Variants in C11orf24 observed in about 807,000 individuals in gnomAD.
The protein encoded by C11orf24 is chromosome 11 open reading frame 24, also known as uncharacterized protein C11orf24.
C11orf24 carries 5 observed loss-of-function variants against 7.3 expected under a neutral mutation model. That is an observed-to-expected ratio of 0.69 (90% CI 0.36 to 1.45). C11orf24 has a LOEUF of 1.45. Ranked by LOEUF, C11orf24 falls within the 40% of genes most tolerant of loss-of-function variation. The pLI is 0.03. For synonymous variants in C11orf24, 233 were observed against 235.7 expected (o/e 0.99, Z 0.11); for missense variants, 566 against 590.5 (o/e 0.96, Z 0.43).
Position 68,261,737 on chromosome 11 carries a change from A to C in C11orf24, c.1258T>G (p.Phe420Val). The C allele has an allele frequency of 1.2e-6, 2 of 1,614,226 alleles. No homozygotes were observed. The highest frequency in any genetic ancestry group is 1.1e-5 in the South Asian group (1 of 91,088). ...VTLFITVLVL[F>V]ALQAYESYKK... ...TAGCTCTCATAGGCCTGCAGGGCAA[A>C]CAAAACCAAGACTGTGATGAAAAGG... is the stretch of plus-strand genomic sequence containing the variant. The change falls in exon 4 of 4, where the codon TTT (phenylalanine) becomes GTT (valine). Residue 420 changes from phenylalanine to valine, a missense_variant. By Grantham distance (50) the Phe-to-Val change is conservative (BLOSUM62 -1). Coordinates refer to ENST00000304271, the MANE Select transcript of C11orf24 (RefSeq NM_022338.4).
intron 2 of C11orf24, among the ~76,000 whole-genome samples, chr11:68,266,550 C>T (rs1364865439): frequency 6.6e-6 from 1 of 152,162 alleles, no homozygotes; most frequent in Non-Finnish European, 1.5e-5. Context: ...AGAAAAATTA[C>T]TTGGCCTTAC....
rs2098566219 is a variant in C11orf24 at position 68,268,264 on chromosome 11, A to G, written c.-297-13T>C. ...GTAACAGACGCATCTAGAGTTTGAA[A>G]AAAAGTCCACATTCCTTATGAAAGG... On this transcript the variant is annotated splice_polypyrimidine_tract_variant and intron_variant, in intron 1 of 3. Coordinates refer to ENST00000304271, the MANE Select transcript of C11orf24 (RefSeq NM_022338.4). 6.6e-6 allele frequency: 1 copy of G among 152,298 alleles called. No individual in the cohort carries two copies. Among genetic ancestry groups the G allele is most frequent in the African/African-American group, 2.4e-5 (1 of 41,484 alleles). The allele number at this position is 152,298 out of a possible 1,614,324, so 9.4% of individuals were successfully genotyped here.
intron 1 of C11orf24, among the ~76,000 whole-genome samples, chr11:68,268,877 C>T (rs1227564791): frequency 6.6e-6 from 1 of 152,182 alleles, no homozygotes; most frequent in African/African-American, 2.4e-5. Context: ...ATATAAAATA[C>T]TATGGCAACT....
intron 1 of C11orf24, among the ~76,000 whole-genome samples, chr11:68,270,586 T>TAA (rs10631184): frequency 0.011 from 1,585 of 142,944 alleles, 39 homozygotes; most frequent in African/African-American, 0.037. Context: ...CCCCATCTCT[T>TAA]AAAAAAAAAA....
rs113378449 is a variant in C11orf24, at chr11:68,263,543, T to C, written c.76+149A>G. 7.0e-3 allele frequency: 4,624 copies of C among 659,316 alleles called. 111 individuals carry two copies. The highest frequency in any genetic ancestry group is 0.054 in the East Asian group (1,866 of 34,794). The allele number at this position is 659,316 out of a possible 1,614,324, so 40.8% of individuals were successfully genotyped here. A position where few individuals can be genotyped will look rare whatever the true frequency, so the allele number is the denominator to read the frequency against. ...CCACCATGGCCCTGGAGAAGGAAGG[T>C]TGGCCTGACAACCCTTCCCTGTGCG... is the stretch of plus-strand genomic sequence containing the variant. On this transcript the variant is annotated intron_variant, in intron 3 of 3. Coordinates refer to ENST00000304271, the MANE Select transcript of C11orf24 (RefSeq NM_022338.4).
Position 68,263,676 on chromosome 11 carries a change from C to G in C11orf24, c.76+16G>C, listed in dbSNP as rs1254570905. On this transcript the variant is annotated intron_variant, in intron 3 of 3. Coordinates refer to ENST00000304271, the MANE Select transcript of C11orf24 (RefSeq NM_022338.4). The stretch of plus-strand genomic sequence containing the variant: ...ACCGTGGGCCCATCCAGCAGTCACA[C>G]AGCTTTCTCACTTACGTGGATCGTT... The G allele has an allele frequency of 6.2e-7, 1 of 1,612,256 alleles. No individual in the cohort carries two copies. The highest frequency in any genetic ancestry group is 2.2e-5 in the East Asian group (1 of 44,876).
intron 2 of C11orf24, among the ~76,000 whole-genome samples, chr11:68,265,214 T>C (rs1369215095): frequency 2.0e-5 from 3 of 152,062 alleles, no homozygotes; most frequent in African/African-American, 4.8e-5. Flanking sequence ...GGAGGCCCCA[T>C]GAGCCATGTG....
chr11:68,269,832 G>A (rs762643908), intron 1 of C11orf24, among the ~76,000 whole-genome samples: 5 of 152,170 alleles, frequency 3.3e-5, no homozygotes, highest in Non-Finnish European at 7.4e-5. Context: ...CTGTGTAGTC[G>A]AGAACAGGCC....
rs187513564 is a variant in C11orf24 at position 68,261,964 on chromosome 11, G to A, written c.1031C>T (p.Pro344Leu). Residue 344 changes from proline (P) to leucine (L), a missense_variant, in exon 4 of 4, where the codon CCG becomes CTG. Coordinates refer to ENST00000304271, the MANE Select transcript of C11orf24 (RefSeq NM_022338.4). ...RAAGPGTSQAPEQVETEATPG... is the reference protein window; with the variant it reads ...RAAGPGTSQALEQVETEATPG... ...TGTGGCTTCAGTCTCTACCTGCTCC[G>A]GTGCCTGGGATGTGCCTGGCCCAGC... 97 of 1,613,922 alleles carry A rather than the reference G, an allele frequency of 6.0e-5. No homozygotes were observed. The highest frequency in any genetic ancestry group is 4.0e-4 in the African/African-American group (30 of 75,034).
intron 2 of C11orf24, among the ~76,000 whole-genome samples, chr11:68,266,059 G>A (rs1042353560): frequency 6.6e-5 from 10 of 152,212 alleles, no homozygotes; most frequent in African/African-American, 2.4e-4. Flanking sequence ...TACTGTAATA[G>A]GGTCAAGAGA....
intron 2 of C11orf24, among the ~76,000 whole-genome samples, chr11:68,266,427 T>A (rs1389899888): frequency 6.6e-6 from 1 of 152,250 alleles, no homozygotes; most frequent in East Asian, 1.9e-4. Context: ...GGAAGGCTGG[T>A]GTGTTCCACG....
At chr11:68,271,482 A>G (rs1591137009) in intron 1 of C11orf24, among the ~76,000 whole-genome samples, 1 of 152,096 alleles carries the variant, frequency 6.6e-6, no homozygotes, top group Admixed American at 6.5e-5. Flanking sequence ...TTGCCCGGGA[A>G]AGACCCCAGG....
intron 1 of C11orf24, 63 bp from the exon 2 acceptor site, chr11:68,268,314 G>C (rs1200905946): frequency 6.6e-6 from 1 of 152,278 alleles, no homozygotes; most frequent in Non-Finnish European, 1.5e-5. Flanking sequence ...CCAGTGAGGA[G>C]GGAGGCACAA....
chr11:68,263,564 G>A, intron 3 of C11orf24, 128 bp downstream of exon 3: 3 of 816,906 alleles, frequency 3.7e-6, no homozygotes, highest in Non-Finnish European at 3.9e-6. Flanking sequence ...ACCCTTCCCT[G>A]TGCGGCACCT....
chr11:68,266,946 G>C (rs111380379), intron 2 of C11orf24, among the ~76,000 whole-genome samples: 3 of 152,110 alleles, frequency 2.0e-5, no homozygotes, highest in African/African-American at 7.2e-5. Flanking sequence ...CAGGCCTTCT[G>C]CTGCCCCCTC....
At chr11:68,266,410 C>T (rs1334804514) in intron 2 of C11orf24, among the ~76,000 whole-genome samples, 4 of 152,234 alleles carry the variant, frequency 2.6e-5, no homozygotes, top group Non-Finnish European at 1.5e-5. Flanking sequence ...AGAGCACACA[C>T]TCCTCTGGAA....
chr11:68,268,991 A>G (rs1200883013), intron 1 of C11orf24, among the ~76,000 whole-genome samples: 4 of 152,170 alleles, frequency 2.6e-5, no homozygotes, highest in Non-Finnish European at 5.9e-5. Flanking sequence ...CCATGATCCT[A>G]TTTTTGTTAA....
In C11orf24 at chr11:68,262,869, T is replaced by C. The variant is rs1278907758; in HGVS notation, c.126A>G (p.Ala42=). The stretch of plus-strand genomic sequence containing the variant: ...TTTTATTATCAACTGTTTCCACAGA[T>C]GCATTCCTCTTGACTAATCCCTTCC... ...KMWKGLVKRN[A]SVETVDNKTS... is the part of the protein sequence containing the mutation. Residue 42 remains alanine (A), a synonymous_variant, in exon 4 of 4, where the codon GCA becomes GCG. Transcript: ENST00000304271. The C allele has an allele frequency of 5.6e-6, 9 of 1,614,026 alleles. No individual in the cohort carries two copies. Among genetic ancestry groups the C allele is most frequent in the Non-Finnish European group, 7.6e-6 (9 of 1,180,046 alleles).
rs747755289 is a variant in C11orf24 at position 68,261,733 on chromosome 11, G to A, written c.1262C>T (p.Ala421Val). The change falls in exon 4 of 4, where the codon GCC becomes GTC. Residue 421 changes from alanine (A) to valine (V), a missense_variant. Ala to Val is a moderately conservative substitution (Grantham distance 64). Coordinates refer to ENST00000304271, the MANE Select transcript of C11orf24 (RefSeq NM_022338.4). ...TLFITVLVLF[A>V]LQAYESYKKK... ...CTTGTAGCTCTCATAGGCCTGCAGG[G>A]CAAACAAAACCAAGACTGTGATGAA... 1.9e-6 allele frequency: 3 copies of A among 1,614,096 alleles called. No individual in the cohort carries two copies. Among genetic ancestry groups the A allele is most frequent in the Non-Finnish European group, 2.5e-6 (3 of 1,180,058 alleles).
Sources: allele counts gnomAD v4.1 joint callset (sites outside exome capture counted in the v4.1 genomes callset), GRCh38; gene constraint gnomAD v4.1.1; transcripts MANE v1.5; gene names NCBI Gene and HGNC (gene_info 2026-07-23, HGNC 2026-07-21).